AUTS2: variants seen among roughly 807,000 people sequenced by gnomAD.
AUTS2 encodes autism susceptibility gene 2 protein.
AUTS2 carries 17 observed loss-of-function variants against 112.4 expected under a neutral mutation model. That is an observed-to-expected ratio of 0.15 (90% CI 0.10 to 0.23). The LOEUF (loss-of-function observed/expected upper bound fraction) is 0.23, where lower values mean the gene tolerates loss of function less well. Among genes scored for constraint, AUTS2 ranks in the 10% least tolerant of loss-of-function variants. The pLI is 1.00. For synonymous variants in AUTS2, 751 were observed against 702.7 expected (o/e 1.07, Z -1.09); for missense variants, 1,510 against 1,701.6 (o/e 0.89, Z 1.98).
intron 1 of AUTS2, among the ~76,000 whole-genome samples, chr7:69,621,973 CAAAT>C (rs1044301779): frequency 6.6e-6 from 1 of 151,378 alleles, no homozygotes; most frequent in African/African-American, 2.4e-5. Flanking sequence ...ATCTTAAAAA[CAAAT>C]AAACAAACAA....
At chr7:69,895,197 AGTCTTT>A (rs1468412552) in intron 1 of AUTS2, among the ~76,000 whole-genome samples, 2 of 152,106 alleles carry the variant, frequency 1.3e-5, no homozygotes, top group Non-Finnish European at 2.9e-5. Flanking sequence ...GTTTATGATC[AGTCTTT>A]GTCTTTGATT....
At chr7:70,116,957 T>C (rs1460360335) in intron 2 of AUTS2, among the ~76,000 whole-genome samples, 2 of 152,224 alleles carry the variant, frequency 1.3e-5, no homozygotes, top group African/African-American at 4.8e-5. Flanking sequence ...GTGATGATAT[T>C]GTAGACTAGT....
rs1482998834 is a variant in AUTS2, at chr7:70,275,112, C to A, written c.660+140541C>A. Among the ~76,000 whole-genome samples, 4 of 152,128 alleles carry A rather than the reference C, an allele frequency of 2.6e-5. No homozygotes were observed. The East Asian group carries it at 7.7e-4, about 29-fold the overall frequency. ...TCACTGGGGCTGAAGTACAGTGGCA[C>A]AATCACACCTCGCTGCAGCCTCAAA... On this transcript the variant is annotated intron_variant, in intron 4 of 18. Coordinates refer to ENST00000342771, the MANE Select transcript of AUTS2 (RefSeq NM_015570.4).
At chr7:70,499,970 T>C (rs956416138) in intron 5 of AUTS2, among the ~76,000 whole-genome samples, 4 of 152,304 alleles carry the variant, frequency 2.6e-5, no homozygotes, top group African/African-American at 7.2e-5. Flanking sequence ...CATCCTTGCC[T>C]GATCCTGACT....
chr7:70,659,161 A>G lies in AUTS2; in HGVS notation c.691-39408A>G, dbSNP rs1057443389. Among the ~76,000 whole-genome samples the G allele has an allele frequency of 3.3e-5, 5 of 152,174 alleles. No homozygotes were observed. In the East Asian group the frequency reaches 9.6e-4, roughly 29 times the overall value. On this transcript the variant is annotated intron_variant, in intron 5 of 18. Transcript: ENST00000342771. Reference sequence around the variant, plus strand: ...GGGGACAAGGAGCCTTGCTGTGGGCATTACCAGTGGGAGGTAGGCATGGAC... The same window carrying G: ...GGGGACAAGGAGCCTTGCTGTGGGCGTTACCAGTGGGAGGTAGGCATGGAC...
intron 2 of AUTS2, among the ~76,000 whole-genome samples, chr7:69,900,887 A>T (rs1794942231): frequency 6.6e-6 from 1 of 152,186 alleles, no homozygotes. Context: ...CCTAATGCAT[A>T]CTATGCTACA....
intron 3 of AUTS2, among the ~76,000 whole-genome samples, chr7:70,129,546 A>G (rs1181758117): frequency 1.3e-5 from 2 of 152,224 alleles, no homozygotes; most frequent in African/African-American, 4.8e-5. Flanking sequence ...GGTTCCTGGT[A>G]GACATAAACA....
intron 5 of AUTS2, among the ~76,000 whole-genome samples, chr7:70,658,180 G>A (rs1333629079): frequency 3.3e-5 from 5 of 152,196 alleles, no homozygotes; most frequent in Admixed American, 2.6e-4. Flanking sequence ...TACCTACTAT[G>A]GACCTGGTGG....
At chr7:70,620,849 C>T (rs1804633615) in intron 5 of AUTS2, among the ~76,000 whole-genome samples, 1 of 152,126 alleles carries the variant, frequency 6.6e-6, no homozygotes, top group Admixed American at 6.5e-5. Context: ...TCCCCTCTGG[C>T]ACCAGATCAA....
intron 2 of AUTS2, among the ~76,000 whole-genome samples, chr7:70,056,643 A>G (rs1419023917): frequency 6.6e-6 from 1 of 152,214 alleles, no homozygotes; most frequent in Non-Finnish European, 1.5e-5. Flanking sequence ...TACTAGAACC[A>G]GGTAGAGTTT....
chr7:70,303,326 T>C (rs1007174931), intron 4 of AUTS2, among the ~76,000 whole-genome samples: 1 of 152,182 alleles, frequency 6.6e-6, no homozygotes, highest in Non-Finnish European at 1.5e-5. Flanking sequence ...GGTTTCTGAC[T>C]TTCTGACAGC....
intron 1 of AUTS2, among the ~76,000 whole-genome samples, chr7:69,708,090 T>C (rs760344569): frequency 6.6e-6 from 1 of 152,204 alleles, no homozygotes; most frequent in Non-Finnish European, 1.5e-5. Context: ...CTGACATGTT[T>C]GAGCCTTTGA....
At chr7:69,735,493 T>C (rs1786989374) in intron 1 of AUTS2, among the ~76,000 whole-genome samples, 1 of 152,162 alleles carries the variant, frequency 6.6e-6, no homozygotes, top group South Asian at 2.1e-4. Context: ...TACCTTCTAA[T>C]TATTTAACCC....
intron 1 of AUTS2, among the ~76,000 whole-genome samples, chr7:69,813,063 C>T (rs114754160): frequency 1.1e-3 from 172 of 152,298 alleles, no homozygotes; most frequent in African/African-American, 3.9e-3. Context: ...CCATGGCCTA[C>T]AAGACACTGC....
chr7:70,087,767 G>A (rs1803687624), intron 2 of AUTS2, among the ~76,000 whole-genome samples: 1 of 152,138 alleles, frequency 6.6e-6, no homozygotes. Flanking sequence ...CCAATTTTCT[G>A]AAGCAGTTTG....
intron 1 of AUTS2, among the ~76,000 whole-genome samples, chr7:69,618,896 G>A (rs1793513644): frequency 6.6e-6 from 1 of 152,092 alleles, no homozygotes; most frequent in Admixed American, 6.5e-5. Context: ...AGAATACCCT[G>A]GGGATACCCT....
intron 2 of AUTS2, among the ~76,000 whole-genome samples, chr7:70,033,975 C>A (rs1800892210): frequency 6.6e-6 from 1 of 152,040 alleles, no homozygotes; most frequent in Non-Finnish European, 1.5e-5. Context: ...ATATTCCCAG[C>A]ATAAGGAAAT....
At chr7:69,973,787 T>C (rs1220587141) in intron 2 of AUTS2, among the ~76,000 whole-genome samples, 1 of 152,144 alleles carries the variant, frequency 6.6e-6, no homozygotes, top group East Asian at 1.9e-4. Flanking sequence ...AAAAGTTCTA[T>C]TTAGTCAATG....
At chr7:70,132,575 A>G (rs900634503) in intron 3 of AUTS2, among the ~76,000 whole-genome samples, 7 of 152,212 alleles carry the variant, frequency 4.6e-5, no homozygotes, top group African/African-American at 1.2e-4. Context: ...AGAAATTGAA[A>G]TGATACCCAC....
Sources: allele counts gnomAD v4.1 joint callset (sites outside exome capture counted in the v4.1 genomes callset), GRCh38; gene constraint gnomAD v4.1.1; transcripts MANE v1.5; gene names NCBI Gene and HGNC (gene_info 2026-07-23, HGNC 2026-07-21).